Variants in ARL13B observed in about 807,000 individuals in gnomAD.
ARL13B encodes ADP-ribosylation factor-like protein 13B.
ARL13B carries 36 observed loss-of-function variants against 56.1 expected under a neutral mutation model. The observed-to-expected ratio is 0.64, with a 90% CI of 0.49 to 0.85. The LOEUF (loss-of-function observed/expected upper bound fraction) is 0.85. Ranked by LOEUF, ARL13B falls within the 40% of genes least tolerant of loss-of-function variation. The pLI is 0.00. For missense variants in ARL13B, 519 were observed against 507.1 expected (o/e 1.02, Z -0.23); for synonymous variants, 178 against 171.1 (o/e 1.04, Z -0.32).
intron 2 of ARL13B, among the ~76,000 whole-genome samples, chr3:93,997,049 G>A (rs1418216555): frequency 6.6e-6 from 1 of 151,884 alleles, no homozygotes; most frequent in Non-Finnish European, 1.5e-5. Context: ...AATGCCTAAT[G>A]ATCTGTCACT....
intron 3 of ARL13B, among the ~76,000 whole-genome samples, chr3:94,012,044 T>G (rs2107472647): frequency 6.6e-6 from 1 of 152,282 alleles, no homozygotes; most frequent in African/African-American, 2.4e-5. Flanking sequence ...AAACTCTCCT[T>G]TTGCATTGGC....
At chr3:94,052,632 G>A (rs1205833928) in intron 9 of ARL13B, among the ~76,000 whole-genome samples, 1 of 152,136 alleles carries the variant, frequency 6.6e-6, no homozygotes, top group African/African-American at 2.4e-5. Flanking sequence ...GTTGAAAGTG[G>A]AGTTATGGCT....
intron 1 of ARL13B, among the ~76,000 whole-genome samples, chr3:93,989,486 A>G (rs1214091239): frequency 6.6e-6 from 1 of 152,104 alleles, no homozygotes; most frequent in Non-Finnish European, 1.5e-5. Flanking sequence ...TGGGAGTGGC[A>G]GAAGTGGGGG....
chr3:94,042,618 A>T (rs1485629907), intron 6 of ARL13B, among the ~76,000 whole-genome samples: 1 of 152,190 alleles, frequency 6.6e-6, no homozygotes, highest in Non-Finnish European at 1.5e-5. Context: ...CAACAAATAC[A>T]TAAGTATATA....
chr3:94,026,334 G>GGGAGTAACTTCTGTATCTGTGCATTTT (rs1334212266), intron 3 of ARL13B, among the ~76,000 whole-genome samples: 1 of 152,144 alleles, frequency 6.6e-6, no homozygotes, highest in Admixed American at 6.5e-5. Flanking sequence ...TAGAGAAAGA[G>GGGAGTAACTTCTGTATCTGTGCATTTT]GGAGTAACTT....
intron 3 of ARL13B, among the ~76,000 whole-genome samples, chr3:94,028,009 CTAAAG>C (rs1182348921): frequency 6.6e-5 from 10 of 152,068 alleles, no homozygotes; most frequent in East Asian, 1.9e-4. Flanking sequence ...AAAATGTTCT[CTAAAG>C]TAAGCACATT....
At chr3:94,013,732 G>A (rs571693244) in intron 3 of ARL13B, among the ~76,000 whole-genome samples, 1 of 152,176 alleles carries the variant, frequency 6.6e-6, no homozygotes, top group Admixed American at 6.5e-5. Flanking sequence ...GATCACTGGA[G>A]GTCAGGAATT....
intron 3 of ARL13B, chr3:94,014,838 A>G (rs2076294689): frequency 1.2e-6 from 2 of 1,614,128 alleles, no homozygotes; most frequent in Non-Finnish European, 1.7e-6. Flanking sequence ...TGATTTGCTG[A>G]AAATGGCGGA....
At chr3:94,027,565 T>C (rs572608556) in intron 3 of ARL13B, among the ~76,000 whole-genome samples, 1 of 152,188 alleles carries the variant, frequency 6.6e-6, no homozygotes, top group East Asian at 1.9e-4. Flanking sequence ...GTTCGAGGTA[T>C]TACGTGGCCA....
At chr3:94,039,499 CAAAAAA>C (rs11437061) in intron 5 of ARL13B, among the ~76,000 whole-genome samples, 7 of 65,272 alleles carry the variant, frequency 1.1e-4, no homozygotes, top group East Asian at 4.6e-4. Context: ...GACTCCGACT[CAAAAAA>C]AAAAAAAAAA....
rs376426265 is a variant in ARL13B, at chr3:94,021,168, C to T, written c.381-14163C>T. Among the ~76,000 whole-genome samples the T allele has an allele frequency of 3.7e-4, 55 of 148,414 alleles. No homozygotes were observed. In the South Asian group the frequency reaches 9.4e-3, roughly 25 times the overall value. ...GTGTTAAAAAGTTGTTTTTGTCTTT[C>T]GTGTTTAATATTATTATATATATAT... On this transcript the variant is annotated intron_variant, in intron 3 of 9. Coordinates refer to ENST00000394222, the MANE Select transcript of ARL13B (RefSeq NM_001174150.2).
chr3:94,014,830 AT>A, intron 3 of ARL13B: 1 of 1,614,096 alleles, frequency 6.2e-7, no homozygotes, highest in South Asian at 1.1e-5. Context: ...TATAAACATG[AT>A]TTGCTGAAAA....
intron 3 of ARL13B, among the ~76,000 whole-genome samples, chr3:94,030,902 C>T (rs1480018557): frequency 6.6e-6 from 1 of 152,108 alleles, no homozygotes; most frequent in Non-Finnish European, 1.5e-5. Context: ...TAAGGCTGGG[C>T]ACAGTGGCTC....
In ARL13B at chr3:94,027,909, T is replaced by G. The variant is rs532442225; in HGVS notation, c.381-7422T>G. On this transcript the variant is annotated intron_variant, in intron 3 of 9. Transcript: ENST00000394222. ...ATTCTAGTAAACAACAATGAAGCAATTAAGACCATTATAGCAAATTATTTC... is the reference window on the plus strand; with the variant it reads ...ATTCTAGTAAACAACAATGAAGCAAGTAAGACCATTATAGCAAATTATTTC... Among the ~76,000 whole-genome samples the G allele has an allele frequency of 4.6e-5, 7 of 152,240 alleles. No homozygotes were observed. In the South Asian group the frequency reaches 1.4e-3, roughly 32 times the overall value.
At chr3:94,008,311 C>G (rs538527599) in intron 3 of ARL13B, among the ~76,000 whole-genome samples, 160 of 152,202 alleles carry the variant, frequency 1.1e-3, no homozygotes, top group African/African-American at 3.8e-3. Context: ...CCCCCCTTAA[C>G]TATTTAGAGC....
intron 3 of ARL13B, among the ~76,000 whole-genome samples, chr3:94,030,356 A>T (rs1485357072): frequency 6.7e-6 from 1 of 149,332 alleles, no homozygotes; most frequent in African/African-American, 2.5e-5. Flanking sequence ...CCTCCCGAGT[A>T]GCTGGTATTA....
chr3:94,031,143 T>C (rs559655771), intron 3 of ARL13B, among the ~76,000 whole-genome samples: 114 of 152,268 alleles, frequency 7.5e-4, no homozygotes, highest in African/African-American at 2.7e-3. Context: ...AGTGAGCTGT[T>C]GTCACACCTC....
chr3:94,031,267 G>A (rs866201218), intron 3 of ARL13B, among the ~76,000 whole-genome samples: 1 of 151,960 alleles, frequency 6.6e-6, no homozygotes, highest in Non-Finnish European at 1.5e-5. Flanking sequence ...AAATCAACAC[G>A]AATACATGGT....
intron 5 of ARL13B, 105 bp downstream of exon 5, chr3:94,036,859 G>A: frequency 1.5e-6 from 2 of 1,294,602 alleles, no homozygotes; most frequent in Non-Finnish European, 2.2e-6. Flanking sequence ...CTTTCTGTGT[G>A]AAGGAAGACA....
Sources: gnomAD v4.1 joint callset for allele counts (sites outside exome capture counted in the v4.1 genomes callset) on GRCh38, gnomAD v4.1.1 for gene constraint, MANE v1.5 for transcripts, NCBI Gene and HGNC (gene_info 2026-07-23, HGNC 2026-07-21) for gene names.